EGLN3: variants seen among roughly 807,000 people sequenced by gnomAD.
EGLN3 encodes prolyl hydroxylase EGLN3.
A neutral mutation model predicts 26.0 loss-of-function variants in EGLN3; 15 were observed. That is an observed-to-expected ratio of 0.58 (90% confidence interval 0.39 to 0.89). The LOEUF is 0.89. Among genes scored for constraint, EGLN3 ranks in the 40% least tolerant of loss-of-function variants. The pLI, the probability that EGLN3 is intolerant of heterozygous loss-of-function variation, is 0.00. For missense variants in EGLN3, 238 were observed against 311.6 expected (o/e 0.76, Z 1.78); for synonymous variants, 147 against 127.2 (o/e 1.16, Z -1.05).
intron 1 of EGLN3, among the ~76,000 whole-genome samples, chr14:33,936,590 G>A (rs2064444359): frequency 6.6e-6 from 1 of 152,098 alleles, no homozygotes; most frequent in Non-Finnish European, 1.5e-5. Context: ...TGATGTAGGG[G>A]CCCCATTTGG....
intron 1 of EGLN3, among the ~76,000 whole-genome samples, chr14:33,934,337 C>T (rs1324375927): frequency 6.6e-6 from 1 of 151,982 alleles, no homozygotes; most frequent in Non-Finnish European, 1.5e-5. Flanking sequence ...GTATATGTAT[C>T]CTTTGAAGAT....
At position 33,950,958 on chromosome 14, in the gene EGLN3, GGAGTGGTGCGGAGC is replaced by G; in HGVS notation, c.-220_-207del. 1.7e-6 allele frequency: 1 copy of G among 598,344 alleles called. No individual in the cohort carries two copies. The highest frequency in any genetic ancestry group is 2.1e-5 in the South Asian group (1 of 48,584). 37.1% of individuals were successfully genotyped at this position (598,344 alleles called of 1,614,324 possible). ...AGGGATCTGCCTTCGGGAACCAGCG[GGAGTGGTGCGGAGC>G]TCCACGACCCGTTTCCGGACTGGCC... On this transcript the variant is annotated 5_prime_UTR_variant, in exon 1 of 5. Transcript: ENST00000250457.
Position 33,950,681 on chromosome 14 carries a change from G to A in EGLN3, c.72C>T (p.His24=), listed in dbSNP as rs749027727. The A allele has an allele frequency of 1.9e-6, 3 of 1,614,056 alleles. No individual in the cohort carries two copies. The highest frequency in any genetic ancestry group is 1.7e-6 in the Non-Finnish European group (2 of 1,179,962). Residue 24 remains histidine, a synonymous_variant, in exon 1 of 5, where the codon CAC becomes CAT. Coordinates refer to ENST00000250457, the MANE Select transcript of EGLN3 (RefSeq NM_022073.4). The stretch of plus-strand genomic sequence containing the variant: ...TGTCCAGGTAGCAGAAGCCCACCTC[G>A]TGCAGACAGGGCACGATGTACTCCA... ...IALEYIVPCL[H]EVGFCYLDNF...
At chr14:33,935,603 A>T (rs939834085) in intron 1 of EGLN3, among the ~76,000 whole-genome samples, 2 of 135,916 alleles carry the variant, frequency 1.5e-5, no homozygotes, top group African/African-American at 5.2e-5. Context: ...ACACACACAC[A>T]CACACACACA....
chr14:33,949,573 A>C (rs1325475659), intron 1 of EGLN3: 2 of 152,214 alleles, frequency 1.3e-5, no homozygotes, highest in African/African-American at 4.8e-5. Context: ...ACATGCACCA[A>C]CATCGCGGTA....
In EGLN3 at chr14:33,950,504, GC is replaced by G; in HGVS notation, c.248del (p.Gly83AlafsTer70). ...LRGDQITWIG[G>X]NEEGCEAISF... ...TGATGGCCTCGCAGCCCTCCTCGTT[GC>G]CCCCGATCCACGTGATCTGGTCGCC... On this transcript the variant is annotated frameshift_variant, in exon 1 of 5. Coordinates refer to ENST00000250457, the MANE Select transcript of EGLN3 (RefSeq NM_022073.4). LOFTEE classifies it high-confidence loss of function. 6 of 1,613,636 alleles carry G rather than the reference GC, an allele frequency of 3.7e-6. No homozygotes were observed. Among genetic ancestry groups the G allele is most frequent in the Non-Finnish European group, 5.1e-6 (6 of 1,180,032 alleles).
At chr14:33,933,928 T>C (rs1047237868) in intron 1 of EGLN3, among the ~76,000 whole-genome samples, 4 of 152,198 alleles carry the variant, frequency 2.6e-5, no homozygotes, top group African/African-American at 9.6e-5. Context: ...TTAATGATCA[T>C]ATAACAAACA....
In EGLN3 at chr14:33,924,865, T is replaced by A. The variant is rs997068399; in HGVS notation, c.*1026A>T. 6.6e-6 allele frequency: 1 copy of A among 151,372 alleles called. No individual in the cohort carries two copies. The highest frequency in any genetic ancestry group is 6.6e-5 in the Admixed American group (1 of 15,170). The allele number at this position is 151,372 out of a possible 1,614,324, so 9.4% of individuals were successfully genotyped here. A position where few individuals can be genotyped will look rare whatever the true frequency, so the allele number is the denominator to read the frequency against. On this transcript the variant is annotated 3_prime_UTR_variant, in exon 5 of 5. Transcript: ENST00000250457. ...AACTCAAATAGCTTTGAGATTTTTT[T>A]ATTTCCACTTCCTTTTTTAAAATAC...
Position 33,950,489 on chromosome 14 carries a change from G to A in EGLN3, c.264C>T (p.Cys88=). 6.2e-7 allele frequency: 1 copy of A among 1,613,616 alleles called. No homozygotes were observed. Among genetic ancestry groups the A allele is most frequent in the Non-Finnish European group, 8.5e-7 (1 of 1,180,018 alleles). The change falls in exon 1 of 5, where the codon TGC becomes TGT. Residue 88 remains cysteine, a synonymous_variant. Transcript: ENST00000250457. Reference sequence around the variant, plus strand: ...GGGACAGGAGGAAGCTGATGGCCTCGCAGCCCTCCTCGTTGCCCCCGATCC... The same window carrying A: ...GGGACAGGAGGAAGCTGATGGCCTCACAGCCCTCCTCGTTGCCCCCGATCC... ...ITWIGGNEEG[C]EAISFLLSLI...
chr14:33,940,031 T>C (rs2064471593), intron 1 of EGLN3, among the ~76,000 whole-genome samples: 1 of 152,180 alleles, frequency 6.6e-6, no homozygotes, highest in Non-Finnish European at 1.5e-5. Flanking sequence ...ATTGCAAGAA[T>C]TTTTTTAAAA....
At chr14:33,926,408 A>G (rs1444028428) in intron 4 of EGLN3, among the ~76,000 whole-genome samples, 1 of 152,240 alleles carries the variant, frequency 6.6e-6, no homozygotes, top group Non-Finnish European at 1.5e-5. Context: ...ACAGGCATAC[A>G]GCATGCAACA....
At chr14:33,926,652 C>T (rs1172216556) in intron 4 of EGLN3, among the ~76,000 whole-genome samples, 2 of 152,004 alleles carry the variant, frequency 1.3e-5, no homozygotes, top group African/African-American at 2.4e-5. Flanking sequence ...TGCAATATGC[C>T]AAAAATCATG....
At chr14:33,939,208 C>CTTTTTTTTTTTTTTTTTTTT (rs71433637) in intron 1 of EGLN3, among the ~76,000 whole-genome samples, 1 of 131,048 alleles carries the variant, frequency 7.6e-6, no homozygotes, top group Non-Finnish European at 1.7e-5. Context: ...AAACAATCAT[C>CTTTTTTTTTTTTTTTTTTTT]TTTTTTTTTT....
At chr14:33,940,305 G>T (rs1042004039) in intron 1 of EGLN3, among the ~76,000 whole-genome samples, 2 of 152,022 alleles carry the variant, frequency 1.3e-5, no homozygotes, top group African/African-American at 2.4e-5. Flanking sequence ...TCCAAAATTT[G>T]CTTCAATTCT....
intron 1 of EGLN3, among the ~76,000 whole-genome samples, chr14:33,933,794 C>T (rs146211466): frequency 1.3e-5 from 2 of 152,130 alleles, no homozygotes; most frequent in East Asian, 1.9e-4. Context: ...CAGTAACAAA[C>T]TCCGGAAACA....
At chr14:33,950,034 C>A in intron 1 of EGLN3, 2 of 535,222 alleles carry the variant, frequency 3.7e-6, no homozygotes, top group Non-Finnish European at 3.3e-6. Context: ...CATGAGGACA[C>A]GTGTGTCTCA....
chr14:33,948,936 CA>C (rs2064536847), intron 1 of EGLN3: 3 of 152,198 alleles, frequency 2.0e-5, no homozygotes, highest in Admixed American at 6.5e-5. Flanking sequence ...ACAGCAAGGT[CA>C]TTTAATGCAA....
chr14:33,925,876 G>T lies in EGLN3; in HGVS notation c.*15C>A, dbSNP rs773445892. ...GTTACTAAAATGAACAAGGCCAGCA[G>T]ATTTCAGAGCACGGTCAGTCTTCAG... On this transcript the variant is annotated 3_prime_UTR_variant, in exon 5 of 5. Coordinates refer to ENST00000250457, the MANE Select transcript of EGLN3 (RefSeq NM_022073.4). 1.2e-6 allele frequency: 2 copies of T among 1,614,008 alleles called. No homozygotes were observed. Among genetic ancestry groups the T allele is most frequent in the Non-Finnish European group, 1.7e-6 (2 of 1,179,886 alleles).
Position 33,950,542 on chromosome 14 carries a change from G to T in EGLN3, c.211C>A (p.Arg71=). 6.2e-7 allele frequency: 1 copy of T among 1,612,598 alleles called. No homozygotes were observed. Among genetic ancestry groups the T allele is most frequent in the Non-Finnish European group, 8.5e-7 (1 of 1,179,380 alleles). Residue 71 remains arginine (R), a synonymous_variant, in exon 1 of 5, where the codon CGA becomes AGA. Coordinates refer to ENST00000250457, the MANE Select transcript of EGLN3 (RefSeq NM_022073.4). ...GTGATCTGGTCGCCCCGCAGGTGTC[G>T]CTTGGAGACGCCGGCGCGCGGCCCC... The part of the protein sequence containing the change: ...LAGPRAGVSK[R]HLRGDQITWI...
Sources: allele counts gnomAD v4.1 joint callset (sites outside exome capture counted in the v4.1 genomes callset), GRCh38; gene constraint gnomAD v4.1.1; transcripts MANE v1.5; gene names NCBI Gene and HGNC (gene_info 2026-07-23, HGNC 2026-07-21).